Variants in NELL2 observed in about 807,000 individuals in gnomAD.
NELL2 encodes the protein neural EGFL like 2, also known as protein kinase C-binding protein NELL2.
Under a neutral mutation model 109.6 loss-of-function variants are expected in NELL2, and 41 were observed. The observed-to-expected ratio is 0.37, with a 90% CI of 0.29 to 0.49. The LOEUF is 0.49. Ranked by LOEUF, NELL2 falls within the 20% of genes least tolerant of loss-of-function variation. The probability of loss-of-function intolerance (pLI) is 0.98; values close to 1 mark genes in which losing one functional copy is unlikely to be tolerated. For synonymous variants in NELL2, 355 were observed against 344.7 expected, an observed-to-expected ratio of 1.03 and a Z score of -0.33; for missense variants, 900 against 1,008.3, an observed-to-expected ratio of 0.89 and a Z score of 1.45.
chr12:44,801,117 G>A (rs1942813351), intron 3 of NELL2, among the ~76,000 whole-genome samples: 2 of 152,116 alleles, frequency 1.3e-5, no homozygotes, highest in Non-Finnish European at 2.9e-5. Context: ...CTAAATTGTA[G>A]CTATTATAGA....
In NELL2 at chr12:44,776,122, C is replaced by A; in HGVS notation, c.791G>T (p.Arg264Ile). Residue 264 changes from arginine (R) to isoleucine (I), a missense_variant, in exon 8 of 20, where the codon AGA (arginine) becomes ATA (isoleucine). Coordinates refer to ENST00000429094, the MANE Select transcript of NELL2 (RefSeq NM_001145108.2). Reference protein sequence around the residue: ...KLSRAEQRMNRLDQCYCERTC... With the variant: ...KLSRAEQRMNILDQCYCERTC... ...CCTTTCACAATAGCACTGATCCAAT[C>A]TATTCATTCGCTGTTCAGCTCGAGA... The A allele has an allele frequency of 2.5e-6, 4 of 1,613,990 alleles. No individual in the cohort carries two copies. The highest frequency in any genetic ancestry group is 3.4e-6 in the Non-Finnish European group (4 of 1,179,962).
chr12:44,839,246 A>G (rs1253147086), intron 2 of NELL2, among the ~76,000 whole-genome samples: 1 of 152,230 alleles, frequency 6.6e-6, no homozygotes, highest in African/African-American at 2.4e-5. Flanking sequence ...AACCGCAAAG[A>G]AAAATTATAA....
chr12:44,690,734 G>C (rs1297153625), intron 12 of NELL2, among the ~76,000 whole-genome samples: 10 of 152,096 alleles, frequency 6.6e-5, no homozygotes, highest in Non-Finnish European at 2.9e-5. Context: ...ATGACTATAT[G>C]ACCAACACCT....
intron 2 of NELL2, among the ~76,000 whole-genome samples, chr12:44,866,580 A>G (rs912454809): frequency 6.6e-6 from 1 of 152,154 alleles, no homozygotes; most frequent in African/African-American, 2.4e-5. Context: ...CTACAAAAAG[A>G]AAAACAAAAT....
rs73282367 is a variant in NELL2, at chr12:44,545,899, T to C, written c.1664-13178A>G. 2.9e-3 allele frequency among the ~76,000 whole-genome samples: 438 copies of C among 152,230 alleles called. 3 individuals are homozygous for C. Among genetic ancestry groups the C allele is most frequent in the African/African-American group, 0.01 (423 of 41,574 alleles). On this transcript the variant is annotated intron_variant, in intron 15 of 19. Transcript: ENST00000429094. ...CCATTTTCTAATAGCAAAGATTAGA[T>C]TGAATACTTGATCTACTTAAAGATT...
upstream of NELL2, among the ~76,000 whole-genome samples, chr12:44,879,423 A>T (rs1044917501): frequency 3.9e-5 from 6 of 152,100 alleles, no homozygotes; most frequent in Non-Finnish European, 1.5e-5. Flanking sequence ...GACTCTAACG[A>T]CCCTTAGATC....
intron 3 of NELL2, among the ~76,000 whole-genome samples, chr12:44,805,431 G>A (rs1385194986): frequency 1.3e-5 from 2 of 151,740 alleles, no homozygotes; most frequent in African/African-American, 4.8e-5. Flanking sequence ...CCCAGAAACC[G>A]ACCTCAGCAT....
chr12:44,876,623 C>A, upstream of NELL2: 1 of 1,550,946 alleles, frequency 6.4e-7, no homozygotes, highest in Non-Finnish European at 8.7e-7. Flanking sequence ...ATTTCGGGCG[C>A]GTGTCTTGAA....
intron 2 of NELL2, among the ~76,000 whole-genome samples, chr12:44,860,008 T>G (rs1944791808): frequency 6.6e-6 from 1 of 152,182 alleles, no homozygotes; most frequent in Admixed American, 6.6e-5. Flanking sequence ...GCTTTCTGAC[T>G]TTTCCCCTCC....
intron 12 of NELL2, among the ~76,000 whole-genome samples, chr12:44,666,032 G>A (rs1592295235): frequency 1.3e-5 from 2 of 152,214 alleles, no homozygotes; most frequent in East Asian, 1.9e-4. Context: ...TAAAGTGTTC[G>A]ATATAAACCA....
At chr12:44,790,224 C>A (rs1942330095) in intron 3 of NELL2, among the ~76,000 whole-genome samples, 1 of 152,066 alleles carries the variant, frequency 6.6e-6, no homozygotes, top group Admixed American at 6.6e-5. Context: ...AGCTGTGAAA[C>A]AAAAGCACCA....
chr12:44,861,486 T>C (rs1245345025), intron 2 of NELL2, among the ~76,000 whole-genome samples: 1 of 151,980 alleles, frequency 6.6e-6, no homozygotes, highest in African/African-American at 2.4e-5. Flanking sequence ...GTCTCAACAT[T>C]AGATTGGCCC....
intron 15 of NELL2, among the ~76,000 whole-genome samples, chr12:44,589,433 A>G (rs536434293): frequency 2.0e-5 from 3 of 151,664 alleles, no homozygotes; most frequent in Non-Finnish European, 4.4e-5. Flanking sequence ...TGGCTCTGTC[A>G]TCCAGGCTGG....
At chr12:44,765,714 A>T (rs953713753) in intron 9 of NELL2, among the ~76,000 whole-genome samples, 2 of 152,200 alleles carry the variant, frequency 1.3e-5, no homozygotes, top group Non-Finnish European at 2.9e-5. Context: ...AACAATTTTT[A>T]AGGCAATTTC....
At chr12:44,703,948 C>T in intron 11 of NELL2, 94 bp from the exon 12 acceptor site, 5 of 1,076,750 alleles carry the variant, frequency 4.6e-6, no homozygotes, top group Non-Finnish European at 6.6e-6. Context: ...GAAGCTATGA[C>T]TCCCTAAATA....
intron 2 of NELL2, among the ~76,000 whole-genome samples, chr12:44,857,509 A>C (rs1944716842): frequency 1.3e-5 from 2 of 152,192 alleles, no homozygotes; most frequent in Non-Finnish European, 2.9e-5. Context: ...AGGTTCCCTG[A>C]AATCTTATCC....
At chr12:44,745,181 A>G (rs1443873540) in intron 9 of NELL2, among the ~76,000 whole-genome samples, 1 of 152,220 alleles carries the variant, frequency 6.6e-6, no homozygotes, top group East Asian at 1.9e-4. Context: ...TCCAGCATAT[A>G]AACGGAACCA....
intron 9 of NELL2, among the ~76,000 whole-genome samples, chr12:44,770,619 C>T (rs1469992534): frequency 6.6e-6 from 1 of 152,122 alleles, no homozygotes; most frequent in African/African-American, 2.4e-5. Flanking sequence ...AAACTCTGAC[C>T]TTGCTCAACC....
intron 1 of NELL2, among the ~76,000 whole-genome samples, chr12:44,909,499 A>C (rs561224361): frequency 6.6e-6 from 1 of 152,116 alleles, no homozygotes; most frequent in African/African-American, 2.4e-5. Flanking sequence ...ACAATCATTA[A>C]AATACCCATA....
Sources: gnomAD v4.1 joint callset for allele counts (sites outside exome capture counted in the v4.1 genomes callset) on GRCh38, gnomAD v4.1.1 for gene constraint, MANE v1.5 for transcripts, NCBI Gene and HGNC (gene_info 2026-07-23, HGNC 2026-07-21) for gene names.